The following DGKI variants were observed in gnomAD, a reference collection of about 807,000 sequenced individuals.
DGKI encodes the protein diacylglycerol kinase iota.
A neutral mutation model predicts 147.5 loss-of-function variants in DGKI; 55 were observed. The observed-to-expected ratio is 0.37, with a 90% confidence interval of 0.30 to 0.47. DGKI has a LOEUF of 0.47. DGKI is among the 20% of genes least tolerant of loss of function. DGKI has a pLI of 1.00. For missense variants in DGKI, 1,007 were observed against 1,323.8 expected, an observed-to-expected ratio of 0.76 and a Z score of 3.71; for synonymous variants, 469 against 477.1, an observed-to-expected ratio of 0.98 and a Z score of 0.22.
chr7:137,406,093 G>A (rs950202787), intron 30 of DGKI, among the ~76,000 whole-genome samples: 13 of 152,122 alleles, frequency 8.5e-5, no homozygotes, highest in African/African-American at 2.9e-4. Flanking sequence ...GGCACCAAAT[G>A]GCTTAAGGTA....
chr7:137,824,219 T>C (rs554566439), intron 1 of DGKI, among the ~76,000 whole-genome samples: 1 of 152,286 alleles, frequency 6.6e-6, no homozygotes, highest in South Asian at 2.1e-4. Flanking sequence ...GGAGAGACTT[T>C]GAAAATGGAA....
chr7:137,818,107 G>A (rs1797791282), intron 1 of DGKI, among the ~76,000 whole-genome samples: 1 of 152,142 alleles, frequency 6.6e-6, no homozygotes, highest in Non-Finnish European at 1.5e-5. Flanking sequence ...TTGAGAAGAT[G>A]GCAGGCTACC....
At chr7:137,598,198 C>T (rs1736807048) in intron 11 of DGKI, among the ~76,000 whole-genome samples, 1 of 152,108 alleles carries the variant, frequency 6.6e-6, no homozygotes, top group African/African-American at 2.4e-5. Flanking sequence ...TATATGTCAA[C>T]ATTATTTTCC....
intron 1 of DGKI, among the ~76,000 whole-genome samples, chr7:137,799,251 A>C (rs977606213): frequency 1.3e-5 from 2 of 152,202 alleles, no homozygotes; most frequent in Non-Finnish European, 2.9e-5. Flanking sequence ...GAAAGAAGAC[A>C]GTCACAAAAA....
At chr7:137,462,657 A>G (rs1049947192) in intron 27 of DGKI, among the ~76,000 whole-genome samples, 2 of 152,204 alleles carry the variant, frequency 1.3e-5, no homozygotes, top group African/African-American at 4.8e-5. Flanking sequence ...TATTCTGTCA[A>G]AAGACTAAGA....
At chr7:137,396,674 C>A (rs1329153019) in intron 31 of DGKI, among the ~76,000 whole-genome samples, 5 of 152,178 alleles carry the variant, frequency 3.3e-5, no homozygotes, top group Non-Finnish European at 7.4e-5. Context: ...TGCTTAGCTA[C>A]TCACCACCTC....
At chr7:137,765,303 T>C (rs1795984523) in intron 1 of DGKI, among the ~76,000 whole-genome samples, 1 of 152,250 alleles carries the variant, frequency 6.6e-6, no homozygotes, top group South Asian at 2.1e-4. Context: ...TTGATTTTTT[T>C]ATTCCAAAAT....
At chr7:137,738,760 A>G (rs1386713274) in intron 1 of DGKI, among the ~76,000 whole-genome samples, 3 of 138,188 alleles carry the variant, frequency 2.2e-5, no homozygotes, top group Non-Finnish European at 4.7e-5. Flanking sequence ...CCGATTTACT[A>G]GATACTCATT....
intron 1 of DGKI, among the ~76,000 whole-genome samples, chr7:137,719,625 G>A (rs181945379): frequency 6.6e-6 from 1 of 152,236 alleles, no homozygotes; most frequent in East Asian, 1.9e-4. Context: ...TCACCTGGGT[G>A]CTTGCAAATC....
intron 3 of DGKI, among the ~76,000 whole-genome samples, chr7:137,662,405 G>A (rs182495589): frequency 1.0e-3 from 154 of 152,080 alleles, no homozygotes; most frequent in African/African-American, 3.4e-3. Context: ...CACCACGCCC[G>A]GCTAATTTTT....
At chr7:137,555,272 TCCCAGCACTTTGGGA>T (rs1382222208) in intron 19 of DGKI, among the ~76,000 whole-genome samples, 1 of 151,330 alleles carries the variant, frequency 6.6e-6, no homozygotes, top group Non-Finnish European at 1.5e-5. Context: ...CACATCTGTA[TCCCAGCACTTTGGGA>T]GGCCAAAGTG....
intron 20 of DGKI, among the ~76,000 whole-genome samples, chr7:137,523,770 T>C (rs562158117): frequency 6.6e-6 from 1 of 152,266 alleles, no homozygotes; most frequent in East Asian, 1.9e-4. Flanking sequence ...AGCTTGACAG[T>C]ATATTTATAG....
chr7:137,541,264 C>A (rs147705805), intron 20 of DGKI, among the ~76,000 whole-genome samples: 1 of 152,068 alleles, frequency 6.6e-6, no homozygotes, highest in Non-Finnish European at 1.5e-5. Flanking sequence ...TGTGCATGTG[C>A]GTGTGTGTGT....
chr7:137,756,357 A>G (rs1183250002), intron 1 of DGKI, among the ~76,000 whole-genome samples: 1 of 152,218 alleles, frequency 6.6e-6, no homozygotes, highest in Non-Finnish European at 1.5e-5. Flanking sequence ...TTTCTGATTC[A>G]TTTGTAAGCT....
intron 28 of DGKI, among the ~76,000 whole-genome samples, chr7:137,413,852 T>C (rs961049519): frequency 3.9e-5 from 6 of 152,160 alleles, no homozygotes; most frequent in African/African-American, 1.4e-4. Context: ...CTTTGAGAAA[T>C]CTCCAAACTG....
At chr7:137,657,489 T>C (rs1822267837) in intron 3 of DGKI, among the ~76,000 whole-genome samples, 2 of 152,222 alleles carry the variant, frequency 1.3e-5, no homozygotes, top group Non-Finnish European at 2.9e-5. Flanking sequence ...GAGCAGAATC[T>C]ACATTTCATG....
chr7:137,414,664 C>T (rs1408571521), intron 28 of DGKI, among the ~76,000 whole-genome samples: 1 of 152,070 alleles, frequency 6.6e-6, no homozygotes, highest in Non-Finnish European at 1.5e-5. Context: ...ATAATACAGA[C>T]CCTGTGTGAG....
At chr7:137,504,739 T>C (rs998754558) in intron 21 of DGKI, among the ~76,000 whole-genome samples, 1 of 152,068 alleles carries the variant, frequency 6.6e-6, no homozygotes, top group African/African-American at 2.4e-5. Context: ...AAGAAACCAA[T>C]AGCCTTTTAA....
intron 6 of DGKI, among the ~76,000 whole-genome samples, chr7:137,641,721 G>A (rs1165659309): frequency 1.3e-5 from 2 of 152,130 alleles, no homozygotes; most frequent in Non-Finnish European, 2.9e-5. Context: ...TGTGTATACT[G>A]CATTTAAAAC....
Sources: gnomAD v4.1 joint callset for allele counts (sites outside exome capture counted in the v4.1 genomes callset) on GRCh38, gnomAD v4.1.1 for gene constraint, MANE v1.5 for transcripts, NCBI Gene and HGNC (gene_info 2026-07-23, HGNC 2026-07-21) for gene names.